Variants in GTF2IRD2 observed in about 807,000 individuals in gnomAD.
The protein encoded by GTF2IRD2 is general transcription factor II-I repeat domain-containing protein 2A.
Under a neutral mutation model 49.2 loss-of-function variants are expected in GTF2IRD2, and 8 were observed. The ratio of observed to expected loss-of-function variants is 0.16; its 90% confidence interval spans 0.10 to 0.29. The LOEUF is 0.29. Ranked by LOEUF, GTF2IRD2 falls within the 10% of genes least tolerant of loss-of-function variation. GTF2IRD2 has a pLI of 1.00. For synonymous variants in GTF2IRD2, 47 were observed against 289.7 expected (o/e 0.16, Z 8.51); for missense variants, 130 against 725.7 (o/e 0.18, Z 9.43).
chr7:74,826,405 A>G (rs1584397297), intron 3 of GTF2IRD2, among the ~76,000 whole-genome samples: 1 of 124,196 alleles, frequency 8.1e-6, no homozygotes, highest in Non-Finnish European at 1.7e-5. Context: ...GATTACAGGC[A>G]CCCGCCACTA....
rs1295104484 is a variant in GTF2IRD2, at chr7:74,800,298, C to T, written c.1246+1687G>A. 5.6e-5 allele frequency among the ~76,000 whole-genome samples: 8 copies of T among 142,856 alleles called. No homozygotes were observed. The East Asian group carries it at 6.1e-4, about 11-fold the overall frequency. The allele number at this position is 142,856 out of a possible 152,430, so 93.7% of individuals were successfully genotyped here. ...CACGATCTCGGCTCACTGCAACCCC[C>T]GACTCCCTGGTTCAAGTGATTTTCC... On this transcript the variant is annotated intron_variant, in intron 15 of 15. Coordinates refer to ENST00000451013, the MANE Select transcript of GTF2IRD2 (RefSeq NM_173537.5).
At chr7:74,824,764 C>T (rs1554419232) in intron 4 of GTF2IRD2, among the ~76,000 whole-genome samples, 169 bp downstream of exon 4, 1 of 37,064 alleles carries the variant, frequency 2.7e-5, no homozygotes, top group Non-Finnish European at 4.4e-5. Flanking sequence ...TGGTGGCGGG[C>T]GCCTGTAATC....
At chr7:74,822,120 C>T in intron 6 of GTF2IRD2, 2 of 291,328 alleles carry the variant, frequency 6.9e-6, no homozygotes, top group Non-Finnish European at 1.3e-5. Flanking sequence ...GATCTCCGCT[C>T]ACTGCAAGCT....
chr7:74,815,858 G>GAAAGAAAGAAA (rs1554418126), intron 8 of GTF2IRD2, among the ~76,000 whole-genome samples: 4 of 104,676 alleles, frequency 3.8e-5, no homozygotes, highest in Non-Finnish European at 8.0e-5. Context: ...AAGAAAGAAA[G>GAAAGAAAGAAA]AAAGAAAGAG....
intron 1 of GTF2IRD2, among the ~76,000 whole-genome samples, chr7:74,841,684 A>G (rs1800844978): frequency 7.0e-6 from 1 of 143,402 alleles, no homozygotes; most frequent in Non-Finnish European, 1.5e-5. Context: ...CCCTCAACTT[A>G]AAATCCAAAG....
rs1165672995 is a variant in GTF2IRD2, at chr7:74,840,067, C to CTTTTTT, written c.-5-3690_-5-3685dup. On this transcript the variant is annotated intron_variant, in intron 1 of 15. Coordinates refer to ENST00000451013, the MANE Select transcript of GTF2IRD2 (RefSeq NM_173537.5). ...ACCCCTGGTGATGAAGGTCCTATGT[C>CTTTTTT]TTTTTTTTTTTTTTTTTTTTTTTGA... 1.8e-3 allele frequency among the ~76,000 whole-genome samples: 123 copies of CTTTTTT among 70,144 alleles called. 9 individuals carry two copies. The highest frequency in any genetic ancestry group is 2.0e-3 in the Non-Finnish European group (83 of 40,910). 46.0% of individuals were successfully genotyped at this position (70,144 alleles called of 152,430 possible).
Position 74,851,549 on chromosome 7 carries a change from CCCCCCCTTTT to C in GTF2IRD2, c.-198_-189del, listed in dbSNP as rs1384472551. On this transcript the variant is annotated 5_prime_UTR_variant, in exon 1 of 16. Coordinates refer to ENST00000451013, the MANE Select transcript of GTF2IRD2 (RefSeq NM_173537.5). ...CCCTCCTTTTTCTCTTTCTTTCTTT[CCCCCCCTTTT>C]CCCCCCTTTTTTTGTTTGCTTCCTG... is the stretch of plus-strand genomic sequence containing the variant. 3 of 38,328 alleles carry C rather than the reference CCCCCCCTTTT, an allele frequency of 7.8e-5. 1 individual carries two copies. Among genetic ancestry groups the C allele is most frequent in the African/African-American group, 5.3e-4 (3 of 5,656 alleles). The allele number at this position is 38,328 out of a possible 1,614,324, so 2.4% of individuals were successfully genotyped here. A position where few individuals can be genotyped will look rare whatever the true frequency, so the allele number is the denominator to read the frequency against.
chr7:74,836,017 T>G (rs1213790031), intron 2 of GTF2IRD2, among the ~76,000 whole-genome samples: 1 of 126,166 alleles, frequency 7.9e-6, no homozygotes, highest in Non-Finnish European at 1.5e-5. Context: ...CTGGATGTGG[T>G]GGCTGGTGCC....
At chr7:74,831,504 T>TACAC (rs4029807) in intron 3 of GTF2IRD2, among the ~76,000 whole-genome samples, 12,269 of 118,280 alleles carry the variant, frequency 0.1, 721 homozygotes, top group African/African-American at 0.26. Context: ...TCTCTGTACA[T>TACAC]ACACACACAC....
At chr7:74,836,241 C>A in intron 2 of GTF2IRD2, 39 bp downstream of exon 2, 1 of 1,603,384 alleles carries the variant, frequency 6.2e-7, no homozygotes, top group African/African-American at 1.5e-5. Context: ...CGACAATGAT[C>A]CATCTATGGA....
intron 3 of GTF2IRD2, among the ~76,000 whole-genome samples, chr7:74,825,538 C>CA (rs1168912833): frequency 1.8e-4 from 25 of 136,238 alleles, no homozygotes; most frequent in Admixed American, 7.8e-5. Flanking sequence ...TGAGGCACTG[C>CA]ACCCATCCAG....
intron 10 of GTF2IRD2, among the ~76,000 whole-genome samples, chr7:74,809,879 C>T (rs1297464524): frequency 9.4e-5 from 9 of 95,710 alleles, no homozygotes; most frequent in Admixed American, 2.5e-4. Flanking sequence ...CTGCAGCCTC[C>T]GCCTCCTAGT....
intron 3 of GTF2IRD2, among the ~76,000 whole-genome samples, chr7:74,829,746 G>C (rs782169217): frequency 2.0e-4 from 30 of 150,662 alleles, no homozygotes; most frequent in Non-Finnish European, 4.1e-4. Flanking sequence ...AAATTAGCTG[G>C]GCATGGTGGC....
At chr7:74,826,699 CTTTTTTTTTTTTTTTTT>C (rs1175596623) in intron 3 of GTF2IRD2, among the ~76,000 whole-genome samples, 8 of 16,600 alleles carry the variant, frequency 4.8e-4, no homozygotes, top group African/African-American at 1.0e-3. Context: ...TCATTTCATT[CTTTTTTTTTTTTTTTTT>C]TTTTTTTTTT....
At chr7:74,821,897 A>T (rs1163440493) in intron 6 of GTF2IRD2, 18 of 49,312 alleles carry the variant, frequency 3.7e-4, no homozygotes, top group African/African-American at 3.1e-3. Flanking sequence ...TTCTTTTTTT[A>T]AAAAATATTC....
At chr7:74,815,381 G>A (rs1798413847) in intron 8 of GTF2IRD2, among the ~76,000 whole-genome samples, 1 of 79,860 alleles carries the variant, frequency 1.3e-5, no homozygotes, top group Non-Finnish European at 3.2e-5. Context: ...AACCCGGGGG[G>A]GCGGAAGTTG....
intron 12 of GTF2IRD2, among the ~76,000 whole-genome samples, chr7:74,806,297 GATTATTATT>G (rs587746220): frequency 6.7e-5 from 9 of 135,326 alleles, no homozygotes; most frequent in Non-Finnish European, 1.3e-4. Context: ...CAGAAAAGAA[GATTATTATT>G]ATTATTATTA....
intron 15 of GTF2IRD2, among the ~76,000 whole-genome samples, chr7:74,798,826 A>T (rs1336817617): frequency 2.1e-5 from 3 of 145,456 alleles, no homozygotes; most frequent in Non-Finnish European, 4.5e-5. Context: ...CAGGTTTTCT[A>T]AAGAAAACCT....
chr7:74,797,459 C>A lies in GTF2IRD2; in HGVS notation c.2053G>T (p.Gly685Ter). The change falls in exon 16 of 16, where the codon GGA becomes TGA. Residue 685 changes from glycine to a stop codon, truncating the protein, a stop_gained. Coordinates refer to ENST00000451013, the MANE Select transcript of GTF2IRD2 (RefSeq NM_173537.5). LOFTEE classifies it high-confidence loss of function. Reference protein sequence around the residue: ...VKSVNWICSRGLNHSEFTTLL... With the variant: ...VKSVNWICSR The stretch of plus-strand genomic sequence containing the variant: ...GTTGTGAACTCACTGTGGTTCAGTC[C>A]CCGGGAGCATATCCAGTTCACGGAC... The A allele has an allele frequency of 6.2e-7, 1 of 1,610,486 alleles. No individual in the cohort carries two copies. The highest frequency in any genetic ancestry group is 8.5e-7 in the Non-Finnish European group (1 of 1,179,198).
Sources: allele counts gnomAD v4.1 joint callset (sites outside exome capture counted in the v4.1 genomes callset), GRCh38; gene constraint gnomAD v4.1.1; transcripts MANE v1.5; gene names NCBI Gene and HGNC (gene_info 2026-07-23, HGNC 2026-07-21).